ARSJ: variants seen among roughly 807,000 people sequenced by gnomAD.
ARSJ encodes the protein arylsulfatase J.
A neutral mutation model predicts 35.9 loss-of-function variants in ARSJ; 26 were observed. That is an observed-to-expected ratio of 0.72 (90% CI 0.53 to 1.00). The LOEUF is 1.00. Among genes scored for constraint, ARSJ ranks in the 50% least tolerant of loss-of-function variants. ARSJ has a pLI of 0.00. For synonymous variants in ARSJ, 294 were observed against 267.6 expected, an observed-to-expected ratio of 1.10 and a Z score of -0.96; for missense variants, 667 against 723.6, an observed-to-expected ratio of 0.92 and a Z score of 0.90.
intron 1 of ARSJ, 124 bp downstream of exon 1, chr4:113,978,313 A>T (rs1727714987): frequency 4.4e-6 from 4 of 909,310 alleles, no homozygotes; most frequent in African/African-American, 1.7e-5. Context: ...TACATCATTC[A>T]TTCATTCTTC....
intron 1 of ARSJ, among the ~76,000 whole-genome samples, chr4:113,942,317 G>A (rs1009525217): frequency 2.0e-5 from 3 of 151,882 alleles, no homozygotes; most frequent in African/African-American, 7.2e-5. Context: ...TATTTTATAA[G>A]TAAAGCCCAA....
chr4:113,931,954 A>C (rs1287641829), intron 1 of ARSJ, among the ~76,000 whole-genome samples: 1 of 152,088 alleles, frequency 6.6e-6, no homozygotes, highest in East Asian at 1.9e-4. Flanking sequence ...GCTGCTTATA[A>C]GAAACCAAGA....
chr4:113,947,045 TGTAA>T (rs1180323363), intron 1 of ARSJ, among the ~76,000 whole-genome samples: 6 of 152,260 alleles, frequency 3.9e-5, no homozygotes, highest in Non-Finnish European at 5.9e-5. Context: ...AAAAAATAAT[TGTAA>T]GTATTACCTC....
At chr4:113,940,496 G>A (rs994073478) in intron 1 of ARSJ, among the ~76,000 whole-genome samples, 3 of 152,012 alleles carry the variant, frequency 2.0e-5, no homozygotes, top group African/African-American at 7.2e-5. Flanking sequence ...TAGGGAGTGG[G>A]CGGTCGGGGG....
chr4:113,961,732 C>A (rs920983555), intron 1 of ARSJ, among the ~76,000 whole-genome samples: 1 of 152,082 alleles, frequency 6.6e-6, no homozygotes, highest in African/African-American at 2.4e-5. Flanking sequence ...AGGTGGACTT[C>A]AAGTTTTAAC....
chr4:113,940,638 T>C, intron 1 of ARSJ, among the ~76,000 whole-genome samples: 1 of 142,670 alleles, frequency 7.0e-6, no homozygotes, highest in Non-Finnish European at 1.6e-5. Context: ...ACATGTACCC[T>C]GGAACTTAAA....
chr4:113,907,151 G>A (rs569434304), intron 1 of ARSJ, among the ~76,000 whole-genome samples: 10 of 152,328 alleles, frequency 6.6e-5, no homozygotes, highest in African/African-American at 2.2e-4. Context: ...GCAGAGGAAA[G>A]ATGCCAGAAG....
At chr4:113,909,637 ATG>A (rs1464432011) in intron 1 of ARSJ, among the ~76,000 whole-genome samples, 2 of 152,058 alleles carry the variant, frequency 1.3e-5, no homozygotes, top group African/African-American at 2.4e-5. Flanking sequence ...GTGAAGAAGG[ATG>A]TGTTTGCTTT....
chr4:113,934,338 C>CT (rs755497142), intron 1 of ARSJ, among the ~76,000 whole-genome samples: 2 of 151,668 alleles, frequency 1.3e-5, no homozygotes, highest in African/African-American at 2.4e-5. Flanking sequence ...TGAAATCACC[C>CT]TAAGTGTTCA....
intron 1 of ARSJ, among the ~76,000 whole-genome samples, chr4:113,951,483 C>G (rs1238991107): frequency 6.6e-6 from 1 of 151,996 alleles, no homozygotes; most frequent in African/African-American, 2.4e-5. Context: ...GGACTACTCC[C>G]TTTCTTGATC....
intron 1 of ARSJ, among the ~76,000 whole-genome samples, chr4:113,939,001 T>C (rs1724948046): frequency 1.3e-5 from 2 of 151,508 alleles, no homozygotes; most frequent in Non-Finnish European, 2.9e-5. Context: ...CATGCTGGTG[T>C]GCTGCACCCA....
At chr4:113,905,250 G>T (rs1313620381) in intron 1 of ARSJ, among the ~76,000 whole-genome samples, 1 of 152,144 alleles carries the variant, frequency 6.6e-6, no homozygotes, top group African/African-American at 2.4e-5. Context: ...GCAGAAAATT[G>T]TTAGGGTAAA....
chr4:113,978,828 G>A lies in ARSJ; in HGVS notation c.7C>T (p.Pro3Ser), dbSNP rs764801059. 1.3e-6 allele frequency: 2 copies of A among 1,599,678 alleles called. No individual in the cohort carries two copies. The highest frequency in any genetic ancestry group is 1.7e-6 in the Non-Finnish European group (2 of 1,173,940). The change falls in exon 1 of 2, where the codon CCC becomes TCC. Residue 3 changes from proline to serine, a missense_variant. Coordinates refer to ENST00000315366, the MANE Select transcript of ARSJ (RefSeq NM_024590.4). Reference sequence around the variant, plus strand: ...GGCGGATGCCCCGCACAGCCCCTGGGAGCCATTCACTCAGGTCCCAGGTGA... The same window carrying A: ...GGCGGATGCCCCGCACAGCCCCTGGAAGCCATTCACTCAGGTCCCAGGTGA... Reference protein sequence around the residue: MAPRGCAGHPPPP... With the variant: MASRGCAGHPPPP...
Position 113,902,433 on chromosome 4 carries a change from A to G in ARSJ, c.1641T>C (p.Asn547=), listed in dbSNP as rs759191037. 33 of 1,613,594 alleles carry G rather than the reference A, an allele frequency of 2.0e-5. No individual in the cohort carries two copies. The highest frequency in any genetic ancestry group is 3.3e-4 in the Middle Eastern group (2 of 6,062). The change falls in exon 2 of 2, where the codon AAT becomes AAC. Residue 547 remains asparagine (N), a synonymous_variant. Transcript: ENST00000315366. ...PKDPRSNPRL[N]GGVWGPWYKE... is the part of the protein sequence containing the mutation. Reference sequence around the variant, plus strand: ...TATACCATGGTCCCCAGACCCCTCCATTGAGCCTAGGGTTACTTCTGGGGT... The same window carrying G: ...TATACCATGGTCCCCAGACCCCTCCGTTGAGCCTAGGGTTACTTCTGGGGT...
chr4:113,907,453 C>T (rs72893434), intron 1 of ARSJ, among the ~76,000 whole-genome samples: 1 of 151,982 alleles, frequency 6.6e-6, no homozygotes, highest in African/African-American at 2.4e-5. Context: ...AATGAAAAAT[C>T]AACTGTATGT....
At chr4:113,924,033 A>G (rs1562345339) in intron 1 of ARSJ, among the ~76,000 whole-genome samples, 4 of 3,734 alleles carry the variant, frequency 1.1e-3, no homozygotes, top group Non-Finnish European at 4.4e-3. Context: ...ATATATATAT[A>G]TAAATATATA....
rs1225919801 is a variant in ARSJ, at chr4:113,901,432, A to G, written c.*842T>C. Reference sequence around the variant, plus strand: ...AGTATTACAGTGCTTGGTAATTTGAAGAAATGAAATAAAATTATTCTAATG... The same window carrying G: ...AGTATTACAGTGCTTGGTAATTTGAGGAAATGAAATAAAATTATTCTAATG... On this transcript the variant is annotated 3_prime_UTR_variant, in exon 2 of 2. Coordinates refer to ENST00000315366, the MANE Select transcript of ARSJ (RefSeq NM_024590.4). The G allele has an allele frequency of 1.3e-5, 2 of 151,822 alleles. No individual in the cohort carries two copies. Among genetic ancestry groups the G allele is most frequent in the Non-Finnish European group, 2.9e-5 (2 of 67,962 alleles). The allele number at this position is 151,822 out of a possible 1,614,324, so 9.4% of individuals were successfully genotyped here. A position where few individuals can be genotyped will look rare whatever the true frequency, so the allele number is the denominator to read the frequency against.
intron 1 of ARSJ, among the ~76,000 whole-genome samples, chr4:113,966,496 G>T (rs139052440): frequency 1.7e-3 from 256 of 152,242 alleles, no homozygotes; most frequent in African/African-American, 5.8e-3. Context: ...TGCTGTCAAT[G>T]CTGGTCAGTT....
chr4:113,917,226 G>A (rs970259507), intron 1 of ARSJ, among the ~76,000 whole-genome samples: 2 of 152,042 alleles, frequency 1.3e-5, no homozygotes, highest in Non-Finnish European at 2.9e-5. Context: ...AGTGCCTGTT[G>A]CCCCCTTTCC....
Sources: allele counts gnomAD v4.1 joint callset (sites outside exome capture counted in the v4.1 genomes callset), GRCh38; gene constraint gnomAD v4.1.1; transcripts MANE v1.5; gene names NCBI Gene and HGNC (gene_info 2026-07-23, HGNC 2026-07-21).